RPS6KA2: variants seen among roughly 807,000 people sequenced by gnomAD.
RPS6KA2 encodes ribosomal protein S6 kinase A2, also known as ribosomal protein S6 kinase alpha-2.
A neutral mutation model predicts 91.8 loss-of-function variants in RPS6KA2; 42 were observed. That is an observed-to-expected ratio of 0.46 (90% CI 0.36 to 0.59). The LOEUF (loss-of-function observed/expected upper bound fraction) is 0.59. Ranked by LOEUF, RPS6KA2 falls within the 20% of genes least tolerant of loss-of-function variation. The pLI is 0.00. For missense variants in RPS6KA2, 798 were observed against 978.5 expected, an observed-to-expected ratio of 0.82 and a Z score of 2.46; for synonymous variants, 414 against 393.6, an observed-to-expected ratio of 1.05 and a Z score of -0.61.
chr6:166,828,647 C>A (rs1323374123), intron 2 of RPS6KA2, among the ~76,000 whole-genome samples: 2 of 152,196 alleles, frequency 1.3e-5, no homozygotes, highest in Admixed American at 6.5e-5. Flanking sequence ...TACAGTTGGA[C>A]ATACTCTATA....
intron 1 of RPS6KA2, among the ~76,000 whole-genome samples, chr6:166,618,264 T>G (rs1372921860): frequency 6.6e-6 from 1 of 152,206 alleles, no homozygotes; most frequent in African/African-American, 2.4e-5. Context: ...AGGACTCAGA[T>G]GCAGTGAGCT....
chr6:166,569,786 C>G (rs1784628598), intron 1 of RPS6KA2, among the ~76,000 whole-genome samples: 1 of 152,160 alleles, frequency 6.6e-6, no homozygotes, highest in Non-Finnish European at 1.5e-5. Context: ...AAGGACACCC[C>G]CCTCGGGAAT....
intron 2 of RPS6KA2, among the ~76,000 whole-genome samples, chr6:166,760,023 A>T (rs990348016): frequency 2.6e-5 from 4 of 152,298 alleles, no homozygotes; most frequent in African/African-American, 9.6e-5. Flanking sequence ...GGCTTGATTG[A>T]GATTTAGAAA....
At chr6:166,762,897 A>G (rs1001123135) in intron 2 of RPS6KA2, among the ~76,000 whole-genome samples, 3 of 152,232 alleles carry the variant, frequency 2.0e-5, no homozygotes, top group African/African-American at 7.2e-5. Flanking sequence ...TAGGTCAAAG[A>G]AACGGTTTCA....
In RPS6KA2 at chr6:166,554,614, G is replaced by C. The variant is rs537962716; in HGVS notation, c.100-15830C>G. 2.6e-5 allele frequency among the ~76,000 whole-genome samples: 4 copies of C among 152,152 alleles called. No homozygotes were observed. Among genetic ancestry groups the C allele is most frequent in the Admixed American group, 6.5e-5 (1 of 15,278 alleles). On this transcript the variant is annotated intron_variant, in intron 1 of 20. Transcript: ENST00000265678. The surrounding 1 kb of genome is among the most constrained non-coding windows in gnomAD (Gnocchi z 4.3). ...TCGCGGCTGGCACGCGGGTGGCCAT[G>C]GGGGGGTGGGGGTCCCACTCCAGCA...
chr6:166,430,601 T>A lies in RPS6KA2; in HGVS notation c.1433A>T (p.Asp478Val). ...CATTACCAGGTACACAAACTTGCCATCATCATAGACCTGCGGAGTGGAGAA... is the reference window on the plus strand; with the variant it reads ...CATTACCAGGTACACAAACTTGCCAACATCATAGACCTGCGGAGTGGAGAA... The part of the protein sequence containing the change: ...NIITLKDVYD[D>V]GKFVYLVMEL... The change falls in exon 16 of 21, where the codon GAT (aspartate) becomes GTT (valine). Residue 478 changes from aspartate (D) to valine (V), a missense_variant. By Grantham distance (152) the Asp-to-Val change is radical. Coordinates refer to ENST00000265678, the MANE Select transcript of RPS6KA2 (RefSeq NM_021135.6). 6.2e-7 allele frequency: 1 copy of A among 1,613,394 alleles called. No individual in the cohort carries two copies. Among genetic ancestry groups the A allele is most frequent in the Non-Finnish European group, 8.5e-7 (1 of 1,179,692 alleles).
intron 1 of RPS6KA2, among the ~76,000 whole-genome samples, chr6:166,546,386 C>T (rs1207334665): frequency 6.6e-6 from 1 of 152,118 alleles, no homozygotes; most frequent in Non-Finnish European, 1.5e-5. Context: ...AAAATAACGC[C>T]AGGTAAAAAC....
intron 14 of RPS6KA2, among the ~76,000 whole-genome samples, chr6:166,442,839 TACTAGTGAC>T (rs1398882622): frequency 6.6e-6 from 1 of 152,138 alleles, no homozygotes; most frequent in Non-Finnish European, 1.5e-5. Flanking sequence ...GAAGGGGAGA[TACTAGTGAC>T]ACAAGCTAAC....
At position 166,590,895 on chromosome 6, in the gene RPS6KA2, T is replaced by C. The variant is rs149146715; in HGVS notation, c.99+36026A>G. ...ACTTAGAGTAAGGCCTTGCTGGATT[T>C]AAAAACAGATTAAAACCAACCCACA... On this transcript the variant is annotated intron_variant, in intron 1 of 20. Transcript: ENST00000265678. Among the ~76,000 whole-genome samples, 944 of 152,252 alleles carry C rather than the reference T, an allele frequency of 6.2e-3. 11 individuals are homozygous for C. The highest frequency in any genetic ancestry group is 7.3e-3 in the Non-Finnish European group (497 of 68,014).
chr6:166,740,965 A>G (rs567178173), intron 2 of RPS6KA2, among the ~76,000 whole-genome samples: 1 of 152,248 alleles, frequency 6.6e-6, no homozygotes, highest in Non-Finnish European at 1.5e-5. Context: ...TACCAACTGG[A>G]AATGCGCGTA....
intron 2 of RPS6KA2, among the ~76,000 whole-genome samples, chr6:166,750,408 A>G (rs991775343): frequency 2.0e-5 from 3 of 151,870 alleles, no homozygotes; most frequent in African/African-American, 7.2e-5. Flanking sequence ...CCTCCCACAC[A>G]GTCTCCCTCA....
chr6:166,562,670 G>A lies in RPS6KA2; in HGVS notation c.100-23886C>T, dbSNP rs905264121. Among the ~76,000 whole-genome samples, 8 of 152,300 alleles carry A rather than the reference G, an allele frequency of 5.3e-5. No individual in the cohort carries two copies. The East Asian group carries it at 5.8e-4, about 11-fold the overall frequency. On this transcript the variant is annotated intron_variant, in intron 1 of 20. Transcript: ENST00000265678. ...TTCTCTGCCTCAGGCTCAACCTGGC[G>A]GGAAAGACAAACCCGTTACCCATAA...
intron 2 of RPS6KA2, among the ~76,000 whole-genome samples, chr6:166,819,013 G>A (rs1233427424): frequency 6.6e-6 from 1 of 151,994 alleles, no homozygotes; most frequent in African/African-American, 2.4e-5. Context: ...TTATGACTAT[G>A]GGGGTGTCAG....
intron 12 of RPS6KA2, among the ~76,000 whole-genome samples, chr6:166,457,581 C>A (rs1780143719): frequency 6.6e-6 from 1 of 152,150 alleles, no homozygotes; most frequent in Admixed American, 6.5e-5. Context: ...GCAGGATGAC[C>A]CAAAAGAAGT....
chr6:166,852,090 G>C lies in RPS6KA2; in HGVS notation c.123+6110C>G, dbSNP rs1397431728. 2.6e-5 allele frequency among the ~76,000 whole-genome samples: 4 copies of C among 152,138 alleles called. No homozygotes were observed. The South Asian group carries it at 8.3e-4, about 32-fold the overall frequency. On this transcript the variant is annotated intron_variant, in intron 2 of 21. Transcript: ENST00000503859. This position sits in a 1 kb window ranked among gnomAD's most constrained non-coding sequence, Gnocchi z 4.1. ...CTGCAGTGGCTTAGCCGCATCACCC[G>C]CTTTCCAGGAGGCATGATGCTTACC...
chr6:166,544,175 A>G (rs557537196), intron 1 of RPS6KA2, among the ~76,000 whole-genome samples: 29 of 152,386 alleles, frequency 1.9e-4, no homozygotes, highest in African/African-American at 5.5e-4. Context: ...TTAAAGGGAT[A>G]CTTGATCCAG....
intron 2 of RPS6KA2, among the ~76,000 whole-genome samples, chr6:166,735,216 C>A (rs1790642542): frequency 6.6e-6 from 1 of 152,198 alleles, no homozygotes; most frequent in South Asian, 2.1e-4. Context: ...CTTCTGCACC[C>A]ATCAACAAGG....
chr6:166,607,581 G>C (rs901323841), intron 1 of RPS6KA2, among the ~76,000 whole-genome samples: 22 of 152,150 alleles, frequency 1.4e-4, no homozygotes, highest in Admixed American at 1.4e-3. Context: ...GCAACTCTAC[G>C]GAGACAGAAA....
chr6:166,593,189 T>A (rs1785413082), intron 1 of RPS6KA2, among the ~76,000 whole-genome samples: 1 of 152,190 alleles, frequency 6.6e-6, no homozygotes, highest in Admixed American at 6.5e-5. Context: ...CCCCAACATA[T>A]ACTTTTGGAT....
Sources: allele counts gnomAD v4.1 joint callset (sites outside exome capture counted in the v4.1 genomes callset), GRCh38; gene constraint gnomAD v4.1.1; non-coding constraint Gnocchi (gnomAD v3.1); transcripts MANE v1.5; gene names NCBI Gene and HGNC (gene_info 2026-07-23, HGNC 2026-07-21).